The following GLIS3 variants were observed in gnomAD, a reference collection of about 807,000 sequenced individuals.
GLIS3 encodes the protein GLIS family zinc finger 3.
Under a neutral mutation model 78.6 loss-of-function variants are expected in GLIS3, and 53 were observed. The ratio of observed to expected loss-of-function variants is 0.67; its 90% CI spans 0.54 to 0.85. GLIS3 has a LOEUF of 0.85. GLIS3 is among the 40% of genes least tolerant of loss of function. GLIS3 has a pLI of 0.00. For synonymous variants in GLIS3, 684 were observed against 509.9 expected (o/e 1.34, Z -4.60); for missense variants, 1,703 against 1,231.1 (o/e 1.38, Z -5.74).
At chr9:4,002,306 T>C (rs1180032890) in intron 4 of GLIS3, among the ~76,000 whole-genome samples, 1 of 152,164 alleles carries the variant, frequency 6.6e-6, no homozygotes, top group East Asian at 1.9e-4. Flanking sequence ...CTTCTGACTT[T>C]CATCCAGTAA....
At chr9:4,114,269 T>A (rs563013312) in intron 4 of GLIS3, among the ~76,000 whole-genome samples, 30 of 152,288 alleles carry the variant, frequency 2.0e-4, no homozygotes, top group Non-Finnish European at 2.6e-4. Flanking sequence ...TTCAACTTGA[T>A]GGTAAAAAGA....
chr9:4,283,439 T>C (rs1183070717), intron 2 of GLIS3, among the ~76,000 whole-genome samples: 2 of 152,088 alleles, frequency 1.3e-5, no homozygotes, highest in African/African-American at 4.8e-5. Context: ...CTCATTTTTG[T>C]ATTTTTAGCA....
the GLIS3 span, among the ~76,000 whole-genome samples, chr9:4,401,052 T>C: frequency 3.3e-4 from 51 of 152,248 alleles, no homozygotes; most frequent in Admixed American, 9.8e-4. Flanking sequence ...AAAGAGGACT[T>C]TGTCTTGCAC....
At chr9:4,342,350 T>C (rs1037937877) in intron 2 of GLIS3, among the ~76,000 whole-genome samples, 2 of 152,194 alleles carry the variant, frequency 1.3e-5, no homozygotes, top group Admixed American at 6.5e-5. Flanking sequence ...CCTGGTGCTT[T>C]CATCGCTTTC....
the GLIS3 span, among the ~76,000 whole-genome samples, chr9:4,482,692 T>G: frequency 6.6e-6 from 1 of 152,226 alleles, no homozygotes; most frequent in African/African-American, 2.4e-5. Context: ...GTATCCTAAT[T>G]AATATATGGT....
At chr9:4,095,722 C>T (rs1829885560) in intron 4 of GLIS3, among the ~76,000 whole-genome samples, 1 of 152,174 alleles carries the variant, frequency 6.6e-6, no homozygotes, top group African/African-American at 2.4e-5. Context: ...TACAGCTAAA[C>T]TGAGCTAAAC....
chr9:4,220,641 C>A (rs1331832879), intron 2 of GLIS3, among the ~76,000 whole-genome samples: 1 of 151,944 alleles, frequency 6.6e-6, no homozygotes, highest in Non-Finnish European at 1.5e-5. Flanking sequence ...GTCTGGAGTC[C>A]CAGCGACTCA....
the GLIS3 span, among the ~76,000 whole-genome samples, chr9:4,373,648 G>A: frequency 6.6e-6 from 1 of 151,822 alleles, no homozygotes; most frequent in African/African-American, 2.4e-5. Context: ...TTGTTATCTA[G>A]GGGAAAACAT....
chr9:4,152,253 G>A (rs777177664), intron 2 of GLIS3: 9 of 284,730 alleles, frequency 3.2e-5, no homozygotes, highest in African/African-American at 4.6e-5. Context: ...ACCTTTGTGA[G>A]GCAGGGTTCT....
chr9:4,435,772 A>T, the GLIS3 span, among the ~76,000 whole-genome samples: 1 of 151,988 alleles, frequency 6.6e-6, no homozygotes, highest in Admixed American at 6.6e-5. Flanking sequence ...ATACAGTGAA[A>T]CCCTATCTCT....
At chr9:4,094,349 A>G (rs762570674) in intron 4 of GLIS3, among the ~76,000 whole-genome samples, 2 of 152,194 alleles carry the variant, frequency 1.3e-5, no homozygotes, top group African/African-American at 4.8e-5. Context: ...AATCAGTACA[A>G]TCTCCTATGT....
Position 3,977,036 on chromosome 9 carries a change from G to C in GLIS3, c.1711-39847C>G, listed in dbSNP as rs1053527627. Among the ~76,000 whole-genome samples the C allele has an allele frequency of 6.6e-6, 1 of 151,832 alleles. No homozygotes were observed. Among genetic ancestry groups the C allele is most frequent in the African/African-American group, 2.4e-5 (1 of 41,332 alleles). On this transcript the variant is annotated intron_variant, in intron 4 of 10. Coordinates refer to ENST00000381971, the MANE Select transcript of GLIS3 (RefSeq NM_001042413.2). This position sits in a 1 kb window ranked among gnomAD's most constrained non-coding sequence, Gnocchi z 4.1. Reference sequence around the variant, plus strand: ...AAAATTAGCTAAAATTTCAGATAACGCAGCCTTCTGTCATGTTCTCCTACT... The same window carrying C: ...AAAATTAGCTAAAATTTCAGATAACCCAGCCTTCTGTCATGTTCTCCTACT...
chr9:3,913,641 C>T (rs1419707921), intron 6 of GLIS3, among the ~76,000 whole-genome samples: 1 of 152,232 alleles, frequency 6.6e-6, no homozygotes, highest in Non-Finnish European at 1.5e-5. Context: ...TTCAATGTCA[C>T]TTGTCCCTTG....
intron 4 of GLIS3, among the ~76,000 whole-genome samples, chr9:4,066,920 G>A (rs959056354): frequency 1.3e-5 from 2 of 152,058 alleles, no homozygotes; most frequent in Admixed American, 6.5e-5. Flanking sequence ...CCGGCTCACT[G>A]ACACCCAGGC....
At chr9:3,992,604 G>T (rs973476036) in intron 4 of GLIS3, among the ~76,000 whole-genome samples, 3 of 152,176 alleles carry the variant, frequency 2.0e-5, no homozygotes, top group African/African-American at 4.8e-5. Context: ...TTATTAAGGA[G>T]TAAACAGTAT....
chr9:4,068,139 T>A (rs998250534), intron 4 of GLIS3, among the ~76,000 whole-genome samples: 1 of 152,178 alleles, frequency 6.6e-6, no homozygotes. Context: ...TGAATTTAAA[T>A]GTTCTAATTA....
chr9:4,357,871 G>C, the GLIS3 span, among the ~76,000 whole-genome samples: 4 of 152,130 alleles, frequency 2.6e-5, no homozygotes, highest in Non-Finnish European at 5.9e-5. Context: ...CCTCTGAAGT[G>C]GACAAAGATG....
the GLIS3 span, among the ~76,000 whole-genome samples, chr9:4,489,125 C>T: frequency 0.23 from 34,268 of 152,082 alleles, 5,131 homozygotes; most frequent in East Asian, 0.61. Context: ...CCTCGGACTC[C>T]CAAAGTCCTG....
At chr9:3,870,933 A>AGGCAGGT (rs1161372713) in intron 8 of GLIS3, among the ~76,000 whole-genome samples, 1 of 152,244 alleles carries the variant, frequency 6.6e-6, no homozygotes, top group African/African-American at 2.4e-5. Flanking sequence ...GTCTGAGACA[A>AGGCAGGT]GGCAGGTCTC....
Sources: allele counts gnomAD v4.1 joint callset (sites outside exome capture counted in the v4.1 genomes callset), GRCh38; gene constraint gnomAD v4.1.1; non-coding constraint Gnocchi (gnomAD v3.1); transcripts MANE v1.5; gene names NCBI Gene and HGNC (gene_info 2026-07-23, HGNC 2026-07-21).